The following BNC2 variants were observed in gnomAD, a reference collection of about 807,000 sequenced individuals.
BNC2 encodes the protein basonuclin zinc finger protein 2.
Under a neutral mutation model 76.3 loss-of-function variants are expected in BNC2, and 20 were observed. That is an observed-to-expected ratio of 0.26 (90% confidence interval 0.18 to 0.38). BNC2 has a LOEUF of 0.38. BNC2 is among the 10% of genes least tolerant of loss of function. The probability of loss-of-function intolerance (pLI) is 1.00; values close to 1 mark genes in which losing one functional copy is unlikely to be tolerated. For synonymous variants in BNC2, 582 were observed against 514.8 expected, an observed-to-expected ratio of 1.13 and a Z score of -1.77; for missense variants, 1,382 against 1,399.8, an observed-to-expected ratio of 0.99 and a Z score of 0.20.
intron 3 of BNC2, among the ~76,000 whole-genome samples, chr9:16,701,474 G>A (rs566831505): frequency 1.3e-5 from 2 of 152,204 alleles, no homozygotes; most frequent in South Asian, 2.1e-4. Flanking sequence ...CACACTATGT[G>A]TGCTAAAAGG....
At chr9:16,522,561 G>T (rs570224127) in intron 5 of BNC2, among the ~76,000 whole-genome samples, 1 of 152,276 alleles carries the variant, frequency 6.6e-6, no homozygotes, top group East Asian at 1.9e-4. Context: ...TTACAGGGAT[G>T]GGGGAGGGTG....
At position 16,763,896 on chromosome 9, in the gene BNC2, G is replaced by C. The variant is rs1486211995; in HGVS notation, c.4-25411C>G. Among the ~76,000 whole-genome samples, 4 of 152,146 alleles carry C rather than the reference G, an allele frequency of 2.6e-5. No individual in the cohort carries two copies. The East Asian group carries it at 7.7e-4, about 29-fold the overall frequency. Reference sequence around the variant, plus strand: ...AAACTACAGAGCTATATATGCACTGGTGTCCACCAGGCCCTCCTGCTGAAC... The same window carrying C: ...AAACTACAGAGCTATATATGCACTGCTGTCCACCAGGCCCTCCTGCTGAAC... On this transcript the variant is annotated intron_variant, in intron 1 of 6. Coordinates refer to ENST00000380672, the MANE Select transcript of BNC2 (RefSeq NM_017637.6).
intron 3 of BNC2, among the ~76,000 whole-genome samples, chr9:16,664,432 C>A (rs766339242): frequency 6.6e-6 from 1 of 152,198 alleles, no homozygotes; most frequent in African/African-American, 2.4e-5. Flanking sequence ...ACAATTGCAT[C>A]CAACCATGGT....
At chr9:16,867,149 C>G (rs1210258930) in intron 1 of BNC2, among the ~76,000 whole-genome samples, 1 of 152,112 alleles carries the variant, frequency 6.6e-6, no homozygotes, top group Non-Finnish European at 1.5e-5. Context: ...GTATGAACAT[C>G]CACAGAAATT....
At chr9:16,794,046 A>T (rs1346801569) in intron 1 of BNC2, among the ~76,000 whole-genome samples, 2 of 151,580 alleles carry the variant, frequency 1.3e-5, no homozygotes, top group Admixed American at 6.6e-5. Context: ...AATGATATAC[A>T]TTGGATTGTG....
chr9:16,564,597 C>T, intron 4 of BNC2, among the ~76,000 whole-genome samples: 1 of 152,132 alleles, frequency 6.6e-6, no homozygotes, highest in East Asian at 1.9e-4. Context: ...TTTCGCTCTG[C>T]CCAAGCTCAA....
chr9:16,799,056 A>G (rs938353910), intron 1 of BNC2, among the ~76,000 whole-genome samples: 4 of 152,168 alleles, frequency 2.6e-5, no homozygotes, highest in Non-Finnish European at 1.5e-5. Context: ...GGGATCTGCA[A>G]TTTGAATGGC....
At chr9:16,514,780 T>C (rs1587119855) in intron 5 of BNC2, among the ~76,000 whole-genome samples, 1 of 152,138 alleles carries the variant, frequency 6.6e-6, no homozygotes, top group Non-Finnish European at 1.5e-5. Context: ...GATGACAGAA[T>C]TGAAAAACAA....
chr9:16,810,741 T>G (rs1345617306), intron 1 of BNC2, among the ~76,000 whole-genome samples: 1 of 152,194 alleles, frequency 6.6e-6, no homozygotes, highest in East Asian at 1.9e-4. Context: ...TTAAAGCCAG[T>G]GATCCAAAGA....
intron 5 of BNC2, among the ~76,000 whole-genome samples, chr9:16,526,130 A>C (rs765647510): frequency 2.6e-4 from 40 of 151,912 alleles, no homozygotes; most frequent in Non-Finnish European, 1.0e-4. Context: ...TAAAATGCTA[A>C]GTTTCTTACT....
intron 5 of BNC2, among the ~76,000 whole-genome samples, chr9:16,444,304 T>G (rs1821188253): frequency 6.6e-6 from 1 of 152,148 alleles, no homozygotes; most frequent in Non-Finnish European, 1.5e-5. Flanking sequence ...CTCACAAATT[T>G]TTACTAATGG....
At chr9:16,564,017 G>A (rs1282760151) in intron 4 of BNC2, among the ~76,000 whole-genome samples, 1 of 151,118 alleles carries the variant, frequency 6.6e-6, no homozygotes, top group East Asian at 1.9e-4. Context: ...CATGTTGAGT[G>A]ATAAAAGACT....
intron 2 of BNC2, among the ~76,000 whole-genome samples, chr9:16,737,313 C>G (rs957582903): frequency 7.6e-6 from 1 of 131,610 alleles, no homozygotes; most frequent in Non-Finnish European, 1.6e-5. Flanking sequence ...TGCAGTGGCG[C>G]AATCTTGGCT....
intron 3 of BNC2, among the ~76,000 whole-genome samples, chr9:16,726,602 T>C (rs999537023): frequency 1.3e-5 from 2 of 151,346 alleles, no homozygotes; most frequent in Admixed American, 1.3e-4. Context: ...TTTTTTCCTC[T>C]TGAGTGGCAC....
intron 6 of BNC2, among the ~76,000 whole-genome samples, chr9:16,425,517 T>G (rs957571572): frequency 2.0e-5 from 3 of 152,152 alleles, no homozygotes; most frequent in Admixed American, 2.0e-4. Flanking sequence ...GGGGAAGCAA[T>G]GTATTAATGT....
At chr9:16,668,668 C>T (rs1177411809) in intron 3 of BNC2, among the ~76,000 whole-genome samples, 1 of 152,138 alleles carries the variant, frequency 6.6e-6, no homozygotes, top group Non-Finnish European at 1.5e-5. Flanking sequence ...CTTGTCTCCC[C>T]TTATCCACAG....
rs573511629 is a variant in BNC2 at position 16,868,768 on chromosome 9, G to A, written c.3+1878C>T. Among the ~76,000 whole-genome samples the A allele has an allele frequency of 3.7e-3, 558 of 151,968 alleles. 3 individuals are homozygous for A. Among genetic ancestry groups the A allele is most frequent in the African/African-American group, 0.013 (532 of 41,380 alleles). On this transcript the variant is annotated intron_variant, in intron 1 of 6. Coordinates refer to ENST00000380672, the MANE Select transcript of BNC2 (RefSeq NM_017637.6). ...GAAACGGCTACAAATATAAAACACA[G>A]ATACTCTCTAAAGGCTCACAAGGGA...
At chr9:16,728,287 G>A (rs983205358) in intron 2 of BNC2, 8 of 482,120 alleles carry the variant, frequency 1.7e-5, no homozygotes, top group African/African-American at 1.2e-4. Context: ...CATGTCATTG[G>A]ATAGCAGAGC....
intron 4 of BNC2, among the ~76,000 whole-genome samples, chr9:16,582,322 C>T (rs138723453): frequency 5.3e-5 from 8 of 152,180 alleles, no homozygotes; most frequent in South Asian, 2.1e-4. Context: ...ACTGACAGAA[C>T]GGCTCTGTGC....
Sources: allele counts gnomAD v4.1 joint callset (sites outside exome capture counted in the v4.1 genomes callset), GRCh38; gene constraint gnomAD v4.1.1; transcripts MANE v1.5; gene names NCBI Gene and HGNC (gene_info 2026-07-23, HGNC 2026-07-21).